The following ACADS variants were observed in gnomAD, a reference collection of about 807,000 sequenced individuals.
ACADS encodes acyl-CoA dehydrogenase short chain, also known as short-chain specific acyl-CoA dehydrogenase, mitochondrial.
A neutral mutation model predicts 46.8 loss-of-function variants in ACADS; 28 were observed. That is an observed-to-expected ratio of 0.60 (90% confidence interval 0.44 to 0.82). The LOEUF (loss-of-function observed/expected upper bound fraction) is 0.82. Ranked by LOEUF, ACADS falls within the 40% of genes least tolerant of loss-of-function variation. The probability of loss-of-function intolerance (pLI) is 0.00; values close to 1 mark genes in which losing one functional copy is unlikely to be tolerated. For synonymous variants in ACADS, 236 were observed against 237.7 expected, an observed-to-expected ratio of 0.99 and a Z score of 0.07; for missense variants, 528 against 578.0, an observed-to-expected ratio of 0.91 and a Z score of 0.89.
At chr12:120,735,133 G>A (rs1231865704) in intron 2 of ACADS, among the ~76,000 whole-genome samples, 2 of 145,486 alleles carry the variant, frequency 1.4e-5, no homozygotes, top group South Asian at 2.2e-4. Context: ...TTAGCCAGGT[G>A]TGGTGGCAGG....
At chr12:120,731,577 C>T (rs768887816) in intron 2 of ACADS, among the ~76,000 whole-genome samples, 2 of 151,990 alleles carry the variant, frequency 1.3e-5, no homozygotes, top group Admixed American at 6.6e-5. Flanking sequence ...GTCTCAGCCT[C>T]CCAAGTAGCT....
Position 120,737,823 on chromosome 12 carries a change from G to A in ACADS, c.473-14G>A. The A allele has an allele frequency of 6.2e-7, 1 of 1,613,940 alleles. No homozygotes were observed. The highest frequency in any genetic ancestry group is 8.5e-7 in the Non-Finnish European group (1 of 1,179,884). Reference sequence around the variant, plus strand: ...GGGTGGGGCGTGCGCTGAGCCCTGGGTCTGTGTGGGCAGGGAACGGCAGTG... The same window carrying A: ...GGGTGGGGCGTGCGCTGAGCCCTGGATCTGTGTGGGCAGGGAACGGCAGTG... On this transcript the variant is annotated splice_polypyrimidine_tract_variant and intron_variant, in intron 4 of 9. Transcript: ENST00000242592.
intron 2 of ACADS, among the ~76,000 whole-genome samples, chr12:120,735,348 TA>T (rs756263687): frequency 0.14 from 10,275 of 72,262 alleles, 424 homozygotes; most frequent in Non-Finnish European, 0.16. Flanking sequence ...GCGCAGTCCT[TA>T]AAAAAAAAAA....
chr12:120,738,243 G>C, intron 5 of ACADS, 37 bp from the exon 6 acceptor site: 3 of 1,613,780 alleles, frequency 1.9e-6, no homozygotes, highest in Non-Finnish European at 2.5e-6. Context: ...TGTGGCTGAG[G>C]GGCAGCTCTG....
chr12:120,738,902 AGCCTTTCATCAAGGT>A lies in ACADS; in HGVS notation c.1020_1029+5del. 6.2e-7 allele frequency: 1 copy of A among 1,613,638 alleles called. No individual in the cohort carries two copies. Among genetic ancestry groups the A allele is most frequent in the Non-Finnish European group, 8.5e-7 (1 of 1,180,000 alleles). On this transcript the variant is annotated splice_donor_variant and coding_sequence_variant, in exon 8 of 10. Coordinates refer to ENST00000242592, the MANE Select transcript of ACADS (RefSeq NM_000017.4). LOFTEE classifies it high-confidence loss of function. ...GCTGCCATGCTGAAGGATAACAAGA[AGCCTTTCATCAAGGT>A]GCCCACAGGGGTCCCCGAGCCATGG...
At chr12:120,730,256 C>T (rs1883211583) in intron 2 of ACADS, among the ~76,000 whole-genome samples, 1 of 152,186 alleles carries the variant, frequency 6.6e-6, no homozygotes, top group Admixed American at 6.5e-5. Context: ...TCTGGGATTA[C>T]AGGCATGAGC....
At position 120,738,311 on chromosome 12, in the gene ACADS, C is replaced by T. The variant is rs148588313; in HGVS notation, c.656C>T (p.Thr219Met). 114 of 1,614,186 alleles carry T rather than the reference C, an allele frequency of 7.1e-5. No homozygotes were observed. Among genetic ancestry groups the T allele is most frequent in the African/African-American group, 5.5e-4 (41 of 75,066 alleles). Residue 219 changes from threonine to methionine, a missense_variant, in exon 6 of 10, where the codon ACG (threonine) becomes ATG (methionine). Physicochemically the swap from Thr to Met is moderately conservative, Grantham distance 81. Coordinates refer to ENST00000242592, the MANE Select transcript of ACADS (RefSeq NM_000017.4). ...GISAFLVPMP[T>M]PGLTLGKKED... ...AGTGCCTTCCTGGTCCCCATGCCAA[C>T]GCCTGGGCTCACGTTGGGGAAGAAA...
At position 120,737,919 on chromosome 12, in the gene ACADS, G is replaced by T. The variant is rs1883509503; in HGVS notation, c.555G>T (p.Trp185Cys). 1 of 1,614,052 alleles carries T rather than the reference G, an allele frequency of 6.2e-7. No homozygotes were observed. The highest frequency in any genetic ancestry group is 2.2e-5 in the East Asian group (1 of 44,896). ...DSWVLNGTKAWITNAWEASAA... is the reference protein window; with the variant it reads ...DSWVLNGTKACITNAWEASAA... The stretch of plus-strand genomic sequence containing the variant: ...GGGTTCTGAATGGAACCAAAGCCTG[G>T]ATCACCAATGCCTGGGAGGCTTCGG... The change falls in exon 5 of 10, where the codon TGG becomes TGT. Residue 185 changes from tryptophan (W) to cysteine (C), a missense_variant. Trp to Cys is a radical substitution (Grantham distance 215). Coordinates refer to ENST00000242592, the MANE Select transcript of ACADS (RefSeq NM_000017.4).
intron 1 of ACADS, 28 bp downstream of exon 1, chr12:120,725,959 G>T (rs1186367940): frequency 1.3e-6 from 2 of 1,523,380 alleles, no homozygotes; most frequent in African/African-American, 2.9e-5. Flanking sequence ...CCGTACGGCG[G>T]GGCTTCAGCC....
chr12:120,735,627 G>A (rs892229704), intron 2 of ACADS, among the ~76,000 whole-genome samples: 1 of 152,060 alleles, frequency 6.6e-6, no homozygotes, highest in African/African-American at 2.4e-5. Flanking sequence ...GAGACTAGGT[G>A]TGGTGGCTCA....
chr12:120,733,184 T>C (rs996625081), intron 2 of ACADS, among the ~76,000 whole-genome samples: 1 of 152,190 alleles, frequency 6.6e-6, no homozygotes, highest in African/African-American at 2.4e-5. Context: ...ACAGTCCAGC[T>C]TCGGCTCGGC....
chr12:120,738,606 C>T lies in ACADS; in HGVS notation c.869C>T (p.Ala290Val). 1 of 1,613,320 alleles carries T rather than the reference C, an allele frequency of 6.2e-7. No individual in the cohort carries two copies. Among genetic ancestry groups the T allele is most frequent in the Non-Finnish European group, 8.5e-7 (1 of 1,180,030 alleles). Residue 290 changes from alanine (A) to valine (V), a missense_variant, in exon 7 of 10, where the codon GCT becomes GTT. Ala to Val is a moderately conservative substitution (Grantham distance 64). Coordinates refer to ENST00000242592, the MANE Select transcript of ACADS (RefSeq NM_000017.4). ...ATTGCCCAGACCGCCCTCGATTGTGCTGTGAACTACGCTGAGAATCGCATG... is the reference window on the plus strand; with the variant it reads ...ATTGCCCAGACCGCCCTCGATTGTGTTGTGAACTACGCTGAGAATCGCATG... Reference protein sequence around the residue: ...LGIAQTALDCAVNYAENRMAF... With the variant: ...LGIAQTALDCVVNYAENRMAF...
In ACADS at chr12:120,726,962, G is replaced by T. The variant is rs1292865701; in HGVS notation, c.47-64G>T. On this transcript the variant is annotated intron_variant, in intron 1 of 9. Coordinates refer to ENST00000242592, the MANE Select transcript of ACADS (RefSeq NM_000017.4). ...CAAAATCCTCCCTGGTGAGTTAGTG[G>T]GTCACTAGGATTCTTGGAGACCTCC... The T allele has an allele frequency of 4.4e-6, 7 of 1,584,964 alleles. No homozygotes were observed. In the East Asian group the frequency reaches 1.6e-4, roughly 35 times the overall value.
At chr12:120,731,365 C>T (rs1020983729) in intron 2 of ACADS, among the ~76,000 whole-genome samples, 2 of 152,104 alleles carry the variant, frequency 1.3e-5, no homozygotes, top group African/African-American at 4.8e-5. Context: ...ATTCTCCTGC[C>T]TCAACCTCCT....
chr12:120,732,259 G>A (rs1322279991), intron 2 of ACADS, among the ~76,000 whole-genome samples: 1 of 150,750 alleles, frequency 6.6e-6, no homozygotes, highest in Non-Finnish European at 1.5e-5. Flanking sequence ...CTGGCCGGGC[G>A]GGGGCTGACC....
At chr12:120,729,190 A>C (rs1445104921) in intron 2 of ACADS, among the ~76,000 whole-genome samples, 5 of 152,090 alleles carry the variant, frequency 3.3e-5, no homozygotes, top group African/African-American at 1.2e-4. Context: ...ATCAATTTAC[A>C]TAGGTCAGAA....
Position 120,737,373 on chromosome 12 carries a change from C to T in ACADS, c.378C>T (p.Pro126=). The T allele has an allele frequency of 6.2e-7, 1 of 1,614,094 alleles. No individual in the cohort carries two copies. Among genetic ancestry groups the T allele is most frequent in the Non-Finnish European group, 8.5e-7 (1 of 1,180,018 alleles). ...CCTCCTAGTCTCTCTACCTGGGGCC[C>T]ATCTTGAAGTTTGGCTCCAAGGAGC... is the stretch of plus-strand genomic sequence containing the variant. ...MSVNNSLYLG[P]ILKFGSKEQK... Residue 126 remains proline, a synonymous_variant, in exon 4 of 10, where the codon CCC becomes CCT. Coordinates refer to ENST00000242592, the MANE Select transcript of ACADS (RefSeq NM_000017.4).
rs1883594122 is a variant in ACADS, at chr12:120,739,589, T to C, written c.*141T>C. 7.2e-6 allele frequency: 7 copies of C among 971,306 alleles called. No individual in the cohort carries two copies. The highest frequency in any genetic ancestry group is 3.2e-4 in the Middle Eastern group (1 of 3,100). The allele number at this position is 971,306 out of a possible 1,614,324, so 60.2% of individuals were successfully genotyped here. ...GCTCAGTGCTGCCACCCAGATCAGA[T>C]CACATGGGAATGAGGCCCTCCGACC... is the stretch of plus-strand genomic sequence containing the variant. On this transcript the variant is annotated 3_prime_UTR_variant, in exon 10 of 10. Transcript: ENST00000242592.
chr12:120,730,900 G>A (rs1049246289), intron 2 of ACADS, among the ~76,000 whole-genome samples: 1 of 152,126 alleles, frequency 6.6e-6, no homozygotes, highest in African/African-American at 2.4e-5. Context: ...CTTTTGGTGA[G>A]GTTCATGCCT....
Sources: allele counts gnomAD v4.1 joint callset (sites outside exome capture counted in the v4.1 genomes callset), GRCh38; gene constraint gnomAD v4.1.1; transcripts MANE v1.5; gene names NCBI Gene and HGNC (gene_info 2026-07-23, HGNC 2026-07-21).